The following TMEM145 variants were observed in gnomAD, a reference collection of about 807,000 sequenced individuals.
The protein encoded by TMEM145 is transmembrane protein 145.
Under a neutral mutation model 68.5 loss-of-function variants are expected in TMEM145, and 46 were observed. That is an observed-to-expected ratio of 0.67 (90% CI 0.53 to 0.86). The LOEUF (loss-of-function observed/expected upper bound fraction) is 0.86. TMEM145 is among the 40% of genes least tolerant of loss of function. TMEM145 has a pLI of 0.00. For synonymous variants in TMEM145, 255 were observed against 280.2 expected, an observed-to-expected ratio of 0.91 and a Z score of 0.90; for missense variants, 570 against 645.8, an observed-to-expected ratio of 0.88 and a Z score of 1.27.
At position 42,315,202 on chromosome 19, in the gene TMEM145, G is replaced by A; in HGVS notation, c.520G>A (p.Asp174Asn). The A allele has an allele frequency of 1.2e-6, 2 of 1,609,368 alleles. No homozygotes were observed. Among genetic ancestry groups the A allele is most frequent in the Non-Finnish European group, 1.7e-6 (2 of 1,176,774 alleles). The change falls in exon 7 of 15, where the codon GAT becomes AAT. Residue 174 changes from aspartate to asparagine, a missense_variant. Physicochemically the swap from Asp to Asn is conservative, Grantham distance 23. Transcript: ENST00000301204. Reference sequence around the variant, plus strand: ...CAAATCGGCAGGGATCCTGGAGACAGATGTGACCTTCCTCCTCATCTTCAT... The same window carrying A: ...CAAATCGGCAGGGATCCTGGAGACAAATGTGACCTTCCTCCTCATCTTCAT... ...SADEFGILET[D>N]VTFLLIFILI...
chr19:42,320,939 T>G, intron 13 of TMEM145: 1 of 397,168 alleles, frequency 2.5e-6, no homozygotes, highest in Non-Finnish European at 4.4e-6. Flanking sequence ...CATGCCCATT[T>G]TCTTCTGTTC....
At chr19:42,324,000 C>T (rs1425704946) in intron 14 of TMEM145, among the ~76,000 whole-genome samples, 1 of 152,016 alleles carries the variant, frequency 6.6e-6, no homozygotes, top group Non-Finnish European at 1.5e-5. Flanking sequence ...GTTGCGCACA[C>T]CCCCGCAGAC....
At chr19:42,324,685 C>T (rs1380035076) in intron 14 of TMEM145, 52 bp from the exon 15 acceptor site, 3 of 961,674 alleles carry the variant, frequency 3.1e-6, no homozygotes, top group African/African-American at 1.9e-5. Flanking sequence ...GCCCCCCTCC[C>T]CTCTGTGCCA....
rs2038899966 is a variant in TMEM145 at position 42,320,383 on chromosome 19, G to T, written c.1140G>T (p.Lys380Asn). 1 of 1,614,188 alleles carries T rather than the reference G, an allele frequency of 6.2e-7. No individual in the cohort carries two copies. The change falls in exon 13 of 15, where the codon AAG becomes AAT. Residue 380 changes from lysine to asparagine, a missense_variant. Coordinates refer to ENST00000301204, the MANE Select transcript of TMEM145 (RefSeq NM_173633.3). ...NFGIPKWARE[K>N]IVNGIQLGIH... ...GCATCCCCAAGTGGGCCCGGGAGAAGATTGTCAATGGCATCCAGCTGGGGA... is the reference window on the plus strand; with the variant it reads ...GCATCCCCAAGTGGGCCCGGGAGAATATTGTCAATGGCATCCAGCTGGGGA...
intron 12 of TMEM145, among the ~76,000 whole-genome samples, chr19:42,319,390 CCTTA>C (rs1211034107): frequency 1.3e-5 from 2 of 152,164 alleles, no homozygotes. Context: ...TGCAATAAGT[CCTTA>C]CTTCTTATTA....
At position 42,313,445 on chromosome 19, in the gene TMEM145, G is replaced by GC. The variant is rs1245316407; in HGVS notation, c.76dup (p.Arg26ProfsTer40). ...CGCTGCTGCTCCTGCTGCTGTCACT[G>GC]CCCCCCCGCGCCCGGGCCAAGTACG... On this transcript the variant is annotated frameshift_variant, in exon 1 of 15. Coordinates refer to ENST00000301204, the MANE Select transcript of TMEM145 (RefSeq NM_173633.3). LOFTEE classifies it high-confidence loss of function. The surrounding 1 kb of genome is among the most constrained non-coding windows in gnomAD (Gnocchi z 5.1). The GC allele has an allele frequency of 3.1e-5, 42 of 1,371,366 alleles. No homozygotes were observed. Among genetic ancestry groups the GC allele is most frequent in the South Asian group, 2.1e-4 (12 of 56,700 alleles). The allele number at this position is 1,371,366 out of a possible 1,614,324, so 84.9% of individuals were successfully genotyped here. A position where few individuals can be genotyped will look rare whatever the true frequency, so the allele number is the denominator to read the frequency against.
At chr19:42,315,521 G>C in intron 8 of TMEM145, 81 bp downstream of exon 8, 2 of 1,477,252 alleles carry the variant, frequency 1.4e-6, no homozygotes, top group East Asian at 2.3e-5. Context: ...AGGAATGCCT[G>C]GGGGCCTGGA....
intron 14 of TMEM145, chr19:42,324,349 C>A: frequency 1.0e-6 from 1 of 985,134 alleles, no homozygotes; most frequent in Non-Finnish European, 1.2e-6. Flanking sequence ...TGACCATGGC[C>A]GAGCCGGGCG....
intron 8 of TMEM145, among the ~76,000 whole-genome samples, chr19:42,315,817 G>T (rs1200358903): frequency 6.6e-6 from 1 of 152,122 alleles, no homozygotes; most frequent in East Asian, 1.9e-4. Context: ...GGATCACGAG[G>T]CCAGGAGTTC....
At chr19:42,316,316 G>A (rs1405261945) in intron 8 of TMEM145, among the ~76,000 whole-genome samples, 165 bp from the exon 9 acceptor site, 2 of 152,022 alleles carry the variant, frequency 1.3e-5, no homozygotes, top group East Asian at 3.9e-4. Flanking sequence ...TGGGGAGCAG[G>A]GTTGGGGGCT....
chr19:42,314,562 G>A, intron 3 of TMEM145, 34 bp downstream of exon 3: 1 of 1,614,180 alleles, frequency 6.2e-7, no homozygotes, highest in Non-Finnish European at 8.5e-7. Context: ...GGGGGAGAGG[G>A]GAGAAGGTCG....
chr19:42,323,389 C>G (rs11880356), intron 13 of TMEM145, among the ~76,000 whole-genome samples, 194 bp from the exon 14 acceptor site: 2,324 of 152,252 alleles, frequency 0.015, 60 homozygotes, highest in African/African-American at 0.051. Flanking sequence ...AAGCACAGGC[C>G]GAGTTTTGTT....
rs2038841870 is a variant in TMEM145 at position 42,315,046 on chromosome 19, C to G, written c.474C>G (p.Phe158Leu). ...YEMVLTNGKS[F>L]WTRHFSADEF... ...TGGTCCTCACCAATGGCAAGTCCTTCTGGACACGACACTTCTCCGCTGATG... is the reference window on the plus strand; with the variant it reads ...TGGTCCTCACCAATGGCAAGTCCTTGTGGACACGACACTTCTCCGCTGATG... The change falls in exon 6 of 15, where the codon TTC becomes TTG. Residue 158 changes from phenylalanine (F) to leucine (L), a missense_variant. Phe to Leu is a conservative substitution (Grantham distance 22). Coordinates refer to ENST00000301204, the MANE Select transcript of TMEM145 (RefSeq NM_173633.3). 6.2e-7 allele frequency: 1 copy of G among 1,614,136 alleles called. No homozygotes were observed. Among genetic ancestry groups the G allele is most frequent in the East Asian group, 2.2e-5 (1 of 44,872 alleles).
At chr19:42,320,825 C>T (rs1034437013) in intron 13 of TMEM145, among the ~76,000 whole-genome samples, 7 of 152,076 alleles carry the variant, frequency 4.6e-5, no homozygotes, top group Non-Finnish European at 8.8e-5. Context: ...GGCAGGGTTT[C>T]ACCATGTTGG....
chr19:42,318,809 C>T (rs116065531), intron 12 of TMEM145, among the ~76,000 whole-genome samples: 1,901 of 150,476 alleles, frequency 0.013, 33 homozygotes, highest in African/African-American at 0.044. Flanking sequence ...AGACTGGGTG[C>T]GCTGGCTCAT....
chr19:42,324,569 C>T (rs1234921740), intron 14 of TMEM145, 168 bp from the exon 15 acceptor site: 2 of 985,140 alleles, frequency 2.0e-6, no homozygotes, highest in African/African-American at 1.7e-5. Context: ...GACCGGGCCC[C>T]GGCCGGGCTC....
intron 10 of TMEM145, 28 bp from the exon 11 acceptor site, chr19:42,316,842 G>A (rs1367405040): frequency 6.2e-7 from 1 of 1,612,098 alleles, no homozygotes; most frequent in Middle Eastern, 1.7e-4. Context: ...CCCCCACCCT[G>A]CTGTCTCCCC....
At position 42,324,727 on chromosome 19, in the gene TMEM145, C is replaced by T. The variant is rs970953445; in HGVS notation, c.1402-10C>T. 6 of 1,509,748 alleles carry T rather than the reference C, an allele frequency of 4.0e-6. No individual in the cohort carries two copies. In the African/African-American group the frequency reaches 8.6e-5, roughly 22 times the overall value. 93.5% of individuals were successfully genotyped at this position (1,509,748 alleles called of 1,614,324 possible). ...CCCGCGGGAGCCGCTCTCCCCGTCC[C>T]CTCCCTCAGCCCCTGCCCCGAGCGG... On this transcript the variant is annotated splice_polypyrimidine_tract_variant and intron_variant, in intron 14 of 14. Transcript: ENST00000301204.
Position 42,314,319 on chromosome 19 carries a change from A to G in TMEM145, c.168A>G (p.Arg56=), listed in dbSNP as rs2038832675. 2 of 1,613,800 alleles carry G rather than the reference A, an allele frequency of 1.2e-6. No individual in the cohort carries two copies. Among genetic ancestry groups the G allele is most frequent in the African/African-American group, 2.7e-5 (2 of 74,790 alleles). Residue 56 remains arginine, a synonymous_variant, in exon 2 of 15, where the codon CGA becomes CGG. Transcript: ENST00000301204. ...TTTGTTTCCTCTCGGATTACGGCCGACTGGACTTCCGTTTCCGCTACCCTG... is the reference window on the plus strand; with the variant it reads ...TTTGTTTCCTCTCGGATTACGGCCGGCTGGACTTCCGTTTCCGCTACCCTG... ...TRFCFLSDYG[R]LDFRFRYPEA...
Sources: allele counts gnomAD v4.1 joint callset (sites outside exome capture counted in the v4.1 genomes callset), GRCh38; gene constraint gnomAD v4.1.1; non-coding constraint Gnocchi (gnomAD v3.1); transcripts MANE v1.5; gene names NCBI Gene and HGNC (gene_info 2026-07-23, HGNC 2026-07-21).